ABCA13: variants seen among roughly 807,000 people sequenced by gnomAD.
ABCA13 encodes ATP binding cassette subfamily A member 13.
In ABCA13, 476 loss-of-function variants were observed where a neutral mutation model predicts 478.7. That is an observed-to-expected ratio of 0.99 (90% CI 0.92 to 1.07). The LOEUF (loss-of-function observed/expected upper bound fraction) is 1.07. ABCA13 is among the 50% of genes least tolerant of loss of function. ABCA13 has a pLI of 0.00. For missense variants in ABCA13, 6,060 were observed against 5,910.6 expected (o/e 1.03, Z -0.83); for synonymous variants, 2,252 against 2,158.9 (o/e 1.04, Z -1.20).
At chr7:48,435,182 G>A (rs1318912499) in intron 42 of ABCA13, among the ~76,000 whole-genome samples, 3 of 151,738 alleles carry the variant, frequency 2.0e-5, no homozygotes, top group Non-Finnish European at 4.4e-5. Flanking sequence ...ATTTTCTTCA[G>A]TAACATTTTG....
At chr7:48,612,868 T>A (rs945483121) in intron 58 of ABCA13, among the ~76,000 whole-genome samples, 2 of 89,026 alleles carry the variant, frequency 2.2e-5, no homozygotes, top group Non-Finnish European at 4.5e-5. Context: ...TTTCTGGGTA[T>A]TTTTTTTTTT....
Position 48,412,401 on chromosome 7 carries a change from T to C in ABCA13, c.12277T>C (p.Ser4093Pro). ...HDLKDMACVT[S>P]LIKIYIPQAF... The stretch of plus-strand genomic sequence containing the variant: ...TCTGAAAGACATGGCTTGTGTTACA[T>C]CCCTGATAAAGATCTATATTCCACA... The change falls in exon 41 of 62, where the codon TCC (serine) becomes CCC (proline). Residue 4093 changes from serine to proline, a missense_variant. This residue lies in a region of ABCA13 where 1,627 missense variants were observed against 1,571.0 expected (regional missense o/e 1.04). Transcript: ENST00000435803. 2 of 1,613,594 alleles carry C rather than the reference T, an allele frequency of 1.2e-6. No homozygotes were observed. Among genetic ancestry groups the C allele is most frequent in the Non-Finnish European group, 1.7e-6 (2 of 1,179,812 alleles).
At chr7:48,297,132 T>C in intron 21 of ABCA13, 100 bp from the exon 22 acceptor site, 2 of 952,638 alleles carry the variant, frequency 2.1e-6, no homozygotes, top group South Asian at 1.5e-5. Context: ...GATCTTGTTA[T>C]CCAGTCCATC....
At chr7:48,314,435 T>G in intron 26 of ABCA13, 26 bp downstream of exon 26, 1 of 1,509,742 alleles carries the variant, frequency 6.6e-7, no homozygotes, top group Non-Finnish European at 8.9e-7. Context: ...TATATATATA[T>G]GTGTTTAGAT....
At chr7:48,404,827 G>A (rs1818047931) in intron 39 of ABCA13, among the ~76,000 whole-genome samples, 1 of 152,160 alleles carries the variant, frequency 6.6e-6, no homozygotes, top group Non-Finnish European at 1.5e-5. Context: ...ATAACAAAAG[G>A]GAGCATAGAA....
Position 48,507,974 on chromosome 7 carries a change from T to A in ABCA13, c.13449T>A (p.Ile4483=), listed in dbSNP as rs760460369. 13 of 1,613,734 alleles carry A rather than the reference T, an allele frequency of 8.1e-6. No individual in the cohort carries two copies. The highest frequency in any genetic ancestry group is 1.1e-5 in the Non-Finnish European group (13 of 1,179,850). Residue 4483 remains isoleucine, a synonymous_variant, in exon 50 of 62, where the codon ATT becomes ATA. Transcript: ENST00000435803. ...IGSSVVRDRV[I]GAKRLQHISG... ...GCTCTGTGGTGAGGGACAGGGTGAT[T>A]GGAGCCAAAAGGTTGCAGCACATAA...
rs779043305 is a variant in ABCA13 at position 48,587,193 on chromosome 7, C to T, written c.14545C>T (p.His4849Tyr). Residue 4849 changes from histidine (H) to tyrosine (Y), a missense_variant, in exon 57 of 62, where the codon CAC becomes TAC. Around this residue, in one of 3 missense-constraint regions of ABCA13, gnomAD observed 1,627 missense variants for 1,571.0 expected, o/e 1.04. Transcript: ENST00000435803. ...DLIRRLHLEA[H>Y]ADKPVATYSG... ...CATCAGGCGCTTACACCTCGAAGCC[C>T]ACGCGGACAAACCTGTGGCCACCTA... 6.3e-5 allele frequency: 102 copies of T among 1,612,968 alleles called. No homozygotes were observed. The highest frequency in any genetic ancestry group is 8.5e-5 in the Non-Finnish European group (100 of 1,179,584).
At chr7:48,535,886 C>A (rs1833538233) in intron 55 of ABCA13, among the ~76,000 whole-genome samples, 2 of 152,160 alleles carry the variant, frequency 1.3e-5, no homozygotes, top group Non-Finnish European at 2.9e-5. Flanking sequence ...AGCATCAAGT[C>A]AATTTCTGGG....
chr7:48,522,498 T>C (rs888450081), intron 53 of ABCA13, among the ~76,000 whole-genome samples: 1 of 152,202 alleles, frequency 6.6e-6, no homozygotes, highest in Non-Finnish European at 1.5e-5. Flanking sequence ...TGTTCAGATA[T>C]GAGATATGCT....
At chr7:48,233,594 T>C (rs1789498785) in intron 7 of ABCA13, among the ~76,000 whole-genome samples, 1 of 152,244 alleles carries the variant, frequency 6.6e-6, no homozygotes, top group Non-Finnish European at 1.5e-5. Flanking sequence ...TACTATAATT[T>C]ATCCTTTCCC....
intron 3 of ABCA13, among the ~76,000 whole-genome samples, chr7:48,199,186 A>G (rs1798332200): frequency 1.3e-5 from 2 of 152,370 alleles, no homozygotes; most frequent in African/African-American, 4.8e-5. Context: ...CTAAGTTACA[A>G]GAGGAAAATT....
At chr7:48,574,552 C>G (rs1482212063) in intron 55 of ABCA13, among the ~76,000 whole-genome samples, 1 of 152,140 alleles carries the variant, frequency 6.6e-6, no homozygotes, top group Admixed American at 6.5e-5. Flanking sequence ...ATGAACATCT[C>G]AAGCATGAGA....
chr7:48,287,707 G>C (rs1231293428), intron 19 of ABCA13, among the ~76,000 whole-genome samples: 1 of 152,180 alleles, frequency 6.6e-6, no homozygotes, highest in African/African-American at 2.4e-5. Context: ...AGGGAAAGGA[G>C]CCAGTTTGAG....
chr7:48,438,935 T>G (rs1475002132), intron 42 of ABCA13, among the ~76,000 whole-genome samples: 1 of 151,616 alleles, frequency 6.6e-6, no homozygotes, highest in African/African-American at 2.4e-5. Flanking sequence ...AATTTAAGTT[T>G]CCTCTAGCGT....
At chr7:48,310,165 G>C in intron 24 of ABCA13, 24 bp downstream of exon 24, 5 of 1,585,874 alleles carry the variant, frequency 3.2e-6, no homozygotes, top group Non-Finnish European at 4.3e-6. Flanking sequence ...GCTGGCTGGG[G>C]GCAGTCCTCT....
chr7:48,628,917 G>C (rs1231673760), intron 59 of ABCA13, among the ~76,000 whole-genome samples: 1 of 152,208 alleles, frequency 6.6e-6, no homozygotes, highest in East Asian at 1.9e-4. Context: ...CAAGCATTCA[G>C]CTTCTGCCTA....
chr7:48,213,340 A>G (rs184509085), intron 3 of ABCA13, among the ~76,000 whole-genome samples: 1 of 152,316 alleles, frequency 6.6e-6, no homozygotes, highest in Non-Finnish European at 1.5e-5. Flanking sequence ...TTAGTTTTCC[A>G]TTGCATATAA....
intron 55 of ABCA13, among the ~76,000 whole-genome samples, chr7:48,539,829 A>G (rs556339058): frequency 5.9e-5 from 9 of 152,230 alleles, no homozygotes; most frequent in Non-Finnish European, 1.3e-4. Flanking sequence ...TTTAACTGCA[A>G]CTAACTTATA....
intron 31 of ABCA13, among the ~76,000 whole-genome samples, chr7:48,357,684 G>A (rs959042599): frequency 2.6e-5 from 4 of 151,954 alleles, no homozygotes; most frequent in Non-Finnish European, 1.5e-5. Flanking sequence ...TACAGTGGAA[G>A]AAATTGAGAC....
Sources: allele counts gnomAD v4.1 joint callset (sites outside exome capture counted in the v4.1 genomes callset), GRCh38; gene constraint gnomAD v4.1.1; regional missense constraint gnomAD v4.1.1; transcripts MANE v1.5; gene names NCBI Gene and HGNC (gene_info 2026-07-23, HGNC 2026-07-21).